The following PCSK5 variants were observed in gnomAD, a reference collection of about 807,000 sequenced individuals.
PCSK5 encodes prohormone convertase 5.
Under a neutral mutation model 233.2 loss-of-function variants are expected in PCSK5, and 129 were observed. The observed-to-expected ratio is 0.55, with a 90% confidence interval of 0.48 to 0.64. The LOEUF is 0.64. Among genes scored for constraint, PCSK5 ranks in the 30% least tolerant of loss-of-function variants. The pLI is 0.00. For missense variants in PCSK5, 2,076 were observed against 2,430.1 expected, an observed-to-expected ratio of 0.85 and a Z score of 3.06; for synonymous variants, 825 against 879.2, an observed-to-expected ratio of 0.94 and a Z score of 1.09.
chr9:76,125,931 G>A (rs1380416771), intron 9 of PCSK5, among the ~76,000 whole-genome samples: 1 of 144,954 alleles, frequency 6.9e-6, no homozygotes, highest in African/African-American at 2.5e-5. Context: ...GGAAAGCAAA[G>A]TTTTCTCAGA....
chr9:76,296,228 G>A (rs1828433166), intron 26 of PCSK5, among the ~76,000 whole-genome samples: 1 of 152,296 alleles, frequency 6.6e-6, no homozygotes, highest in African/African-American at 2.4e-5. Flanking sequence ...GCCTCCCAAA[G>A]TGCTGGGATT....
chr9:76,326,720 T>C (rs955129811), intron 32 of PCSK5, among the ~76,000 whole-genome samples: 1 of 152,204 alleles, frequency 6.6e-6, no homozygotes, highest in South Asian at 2.1e-4. Context: ...GTGTGCTCTT[T>C]CAGGTCTGGG....
At chr9:76,234,765 G>A (rs1193586494) in intron 22 of PCSK5, among the ~76,000 whole-genome samples, 4 of 152,168 alleles carry the variant, frequency 2.6e-5, no homozygotes, top group African/African-American at 9.7e-5. Context: ...TAGCCACATG[G>A]TGAGCACTTG....
chr9:76,136,535 A>C (rs1188759558), intron 10 of PCSK5, among the ~76,000 whole-genome samples: 3 of 152,088 alleles, frequency 2.0e-5, no homozygotes, highest in African/African-American at 7.2e-5. Context: ...ATTTCTCCTT[A>C]GACTGGGAAA....
At chr9:76,118,069 C>A (rs1045502938) in intron 9 of PCSK5, among the ~76,000 whole-genome samples, 6 of 152,042 alleles carry the variant, frequency 3.9e-5, no homozygotes, top group African/African-American at 1.4e-4. Flanking sequence ...GCCTCATTTT[C>A]CATAGCAGAT....
intron 24 of PCSK5, among the ~76,000 whole-genome samples, chr9:76,290,339 A>G (rs1033970769): frequency 2.0e-5 from 3 of 152,102 alleles, no homozygotes; most frequent in Non-Finnish European, 4.4e-5. Flanking sequence ...TTTCTTTCCC[A>G]TGGTCACCTC....
intron 2 of PCSK5, among the ~76,000 whole-genome samples, chr9:75,973,480 A>C (rs1825886449): frequency 6.6e-6 from 1 of 152,220 alleles, no homozygotes; most frequent in South Asian, 2.1e-4. Flanking sequence ...CAGTGAATAC[A>C]GTCATTAATT....
chr9:76,354,323 C>G, intron 37 of PCSK5, 104 bp downstream of exon 37: 1 of 872,898 alleles, frequency 1.1e-6, no homozygotes, highest in Non-Finnish European at 1.7e-6. Context: ...ATCAATATGG[C>G]TACCTTTTTA....
intron 5 of PCSK5, among the ~76,000 whole-genome samples, chr9:76,053,224 A>AT (rs1829696776): frequency 4.6e-5 from 7 of 151,838 alleles, no homozygotes; most frequent in African/African-American, 1.2e-4. Flanking sequence ...CAGTAGGGAC[A>AT]CTCTTTTGGG....
At chr9:76,086,894 T>C (rs1012075172) in intron 7 of PCSK5, among the ~76,000 whole-genome samples, 6 of 152,194 alleles carry the variant, frequency 3.9e-5, no homozygotes, top group Admixed American at 2.0e-4. Flanking sequence ...AGCTCCAAAA[T>C]TGTATTATTT....
chr9:76,338,585 C>T, intron 35 of PCSK5, 138 bp downstream of exon 35: 1 of 634,188 alleles, frequency 1.6e-6, no homozygotes. Context: ...TCTCCAGCAT[C>T]AGCGCCCTCT....
chr9:76,320,207 C>T (rs753716559), intron 30 of PCSK5, among the ~76,000 whole-genome samples: 6 of 151,858 alleles, frequency 4.0e-5, no homozygotes, highest in South Asian at 4.2e-4. Context: ...TAATAAGCAC[C>T]GTAGGCTGGA....
At chr9:76,036,127 A>G (rs1299380040) in intron 5 of PCSK5, among the ~76,000 whole-genome samples, 3 of 152,170 alleles carry the variant, frequency 2.0e-5, no homozygotes, top group Non-Finnish European at 2.9e-5. Context: ...ACAGCTTCTG[A>G]GTTAAAGAAC....
chr9:76,089,338 T>C (rs1485561537), intron 7 of PCSK5, among the ~76,000 whole-genome samples: 2 of 152,134 alleles, frequency 1.3e-5, no homozygotes, highest in Non-Finnish European at 2.9e-5. Flanking sequence ...AAGTGCCTCA[T>C]TCCAAAGTTG....
At chr9:76,029,630 T>G (rs1828572810) in intron 5 of PCSK5, among the ~76,000 whole-genome samples, 1 of 152,188 alleles carries the variant, frequency 6.6e-6, no homozygotes, top group African/African-American at 2.4e-5. Context: ...CAGATAAGAC[T>G]TTTTTAAAGC....
intron 20 of PCSK5, among the ~76,000 whole-genome samples, chr9:76,210,724 A>T (rs911186540): frequency 3.9e-5 from 6 of 152,172 alleles, no homozygotes; most frequent in Non-Finnish European, 7.3e-5. Flanking sequence ...AGAATGAATG[A>T]CAGAATTGGC....
rs57028275 is a variant in PCSK5, at chr9:76,239,117, T to A, written c.3025T>A (p.Phe1009Ile). ...CTGCACAAGATGCATGAAGGGCTAC[T>A]TCATAGCGCCCACCAACCACACATG... is the stretch of plus-strand genomic sequence containing the variant. The part of the protein sequence containing the change: ...HVCTRCMKGY[F>I]IAPTNHTCQK... Residue 1009 changes from phenylalanine (F) to isoleucine (I), a missense_variant, in exon 23 of 38, where the codon TTC (phenylalanine) becomes ATC (isoleucine). Around this residue, in one of 6 missense-constraint regions of PCSK5, gnomAD observed 1,510 missense variants for 1,538.1 expected, o/e 0.98. Coordinates refer to ENST00000674117, the MANE Select transcript of PCSK5 (RefSeq NM_001372043.1). 2.1e-3 allele frequency: 3,427 copies of A among 1,601,730 alleles called. 64 individuals are homozygous for A. In the African/African-American group the frequency reaches 0.04, roughly 19 times the overall value.
chr9:75,958,018 A>T (rs1426421566), intron 2 of PCSK5, among the ~76,000 whole-genome samples: 1 of 152,210 alleles, frequency 6.6e-6, no homozygotes, highest in Non-Finnish European at 1.5e-5. Context: ...AATGACTTTG[A>T]GCCTTAAATC....
intron 2 of PCSK5, among the ~76,000 whole-genome samples, chr9:75,984,132 G>C (rs1826398766): frequency 6.6e-6 from 1 of 152,114 alleles, no homozygotes; most frequent in African/African-American, 2.4e-5. Flanking sequence ...ATTATAGAAG[G>C]GATGCTGTTG....
Sources: allele counts gnomAD v4.1 joint callset (sites outside exome capture counted in the v4.1 genomes callset), GRCh38; gene constraint gnomAD v4.1.1; regional missense constraint gnomAD v4.1.1; transcripts MANE v1.5; gene names NCBI Gene and HGNC (gene_info 2026-07-23, HGNC 2026-07-21).